Variants in SLC45A2 observed in about 807,000 individuals in gnomAD.
SLC45A2 encodes membrane-associated transporter protein.
Under a neutral mutation model 45.5 loss-of-function variants are expected in SLC45A2, and 36 were observed. The ratio of observed to expected loss-of-function variants is 0.79; its 90% CI spans 0.61 to 1.04. The LOEUF (loss-of-function observed/expected upper bound fraction) is 1.04, where lower values mean the gene tolerates loss of function less well. SLC45A2 is among the 50% of genes least tolerant of loss of function. SLC45A2 has a pLI of 0.00. For missense variants in SLC45A2, 719 were observed against 671.0 expected (o/e 1.07, Z -0.79); for synonymous variants, 306 against 269.3 (o/e 1.14, Z -1.33).
chr5:33,983,876 C>A (rs955591885), intron 1 of SLC45A2, among the ~76,000 whole-genome samples: 40 of 151,988 alleles, frequency 2.6e-4, no homozygotes, highest in African/African-American at 9.4e-4. Flanking sequence ...GCATAATGGG[C>A]TCAAAAAGTA....
intron 6 of SLC45A2, chr5:33,945,754 T>A (rs1055212361): frequency 5.9e-6 from 1 of 169,570 alleles, no homozygotes; most frequent in African/African-American, 2.4e-5. Context: ...ATGAGGAAAC[T>A]GAGGGCCTGC....
chr5:33,984,366 A>T lies in SLC45A2; in HGVS notation c.218T>A (p.Val73Glu), dbSNP rs760254579. The T allele has an allele frequency of 5.0e-6, 8 of 1,613,850 alleles. No individual in the cohort carries two copies. In the African/African-American group the frequency reaches 1.1e-4, roughly 22 times the overall value. The change falls in exon 1 of 7, where the codon GTG becomes GAG. Residue 73 changes from valine (V) to glutamate (E), a missense_variant. Transcript: ENST00000296589. ...TCCCAGGATGGGGCTGAGGAACCACACAATGCTGTACAGGCTGCTGGGCAG... is the reference window on the plus strand; with the variant it reads ...TCCCAGGATGGGGCTGAGGAACCACTCAATGCTGTACAGGCTGCTGGGCAG... ...VGLPSSLYSI[V>E]WFLSPILGFL...
intron 4 of SLC45A2, among the ~76,000 whole-genome samples, chr5:33,952,737 C>A (rs1303945563): frequency 7.4e-6 from 1 of 134,292 alleles, no homozygotes; most frequent in African/African-American, 2.9e-5. Context: ...TACATGTGCA[C>A]ATTGTGCAGG....
intron 2 of SLC45A2, among the ~76,000 whole-genome samples, chr5:33,980,699 G>GA (rs1753050764): frequency 6.6e-6 from 1 of 151,926 alleles, no homozygotes; most frequent in Non-Finnish European, 1.5e-5. Flanking sequence ...CAACCAGAAA[G>GA]AAAAAAGAGA....
At chr5:33,969,879 G>A (rs1394268504) in intron 2 of SLC45A2, among the ~76,000 whole-genome samples, 1 of 152,186 alleles carries the variant, frequency 6.6e-6, no homozygotes, top group African/African-American at 2.4e-5. Flanking sequence ...GGAAGAAAAG[G>A]CTGTGCAGGA....
chr5:33,980,171 C>T (rs1248116391), intron 2 of SLC45A2, among the ~76,000 whole-genome samples: 1 of 152,108 alleles, frequency 6.6e-6, no homozygotes, highest in Non-Finnish European at 1.5e-5. Context: ...ATGAGACTTT[C>T]CGGCTATGGA....
intron 3 of SLC45A2, among the ~76,000 whole-genome samples, chr5:33,956,792 T>C (rs926449097): frequency 6.6e-5 from 10 of 152,172 alleles, no homozygotes; most frequent in African/African-American, 1.7e-4. Context: ...AAAGGCTGCA[T>C]TGACATAGCT....
Position 33,948,060 on chromosome 5 carries a change from T to A in SLC45A2, c.1157-686A>T, listed in dbSNP as rs191487757. On this transcript the variant is annotated intron_variant, in intron 5 of 6. Transcript: ENST00000296589. ...TTCTCAAAACCCCAGCTTCCTCATC[T>A]GAAAACTGGGAATAATAAAACCATC... 1.2e-4 allele frequency among the ~76,000 whole-genome samples: 18 copies of A among 152,314 alleles called. No individual in the cohort carries two copies. The Middle Eastern group carries it at 0.01, about 86-fold the overall frequency.
Position 33,963,740 on chromosome 5 carries a change from T to C in SLC45A2, c.839A>G (p.Asn280Ser). 1.2e-6 allele frequency: 2 copies of C among 1,614,194 alleles called. No homozygotes were observed. The highest frequency in any genetic ancestry group is 1.7e-6 in the Non-Finnish European group (2 of 1,180,028). ...SIEKVKNGYVNPELAMQGAKN... is the reference protein window; with the variant it reads ...SIEKVKNGYVSPELAMQGAKN... ...TGCTCCCTGCATTGCCAGCTCTGGA[T>C]TTACGTAACCATTTTTAACTTTCTC... Residue 280 changes from asparagine to serine, a missense_variant, in exon 3 of 7, where the codon AAT becomes AGT. By Grantham distance (46) the Asn-to-Ser change is conservative (BLOSUM62 1). Coordinates refer to ENST00000296589, the MANE Select transcript of SLC45A2 (RefSeq NM_016180.5).
intron 2 of SLC45A2, among the ~76,000 whole-genome samples, chr5:33,977,568 G>T (rs1752965913): frequency 1.3e-5 from 2 of 152,186 alleles, no homozygotes; most frequent in South Asian, 4.1e-4. Context: ...ATCTCCACAG[G>T]CAGAAAAGGA....
intron 4 of SLC45A2, among the ~76,000 whole-genome samples, chr5:33,953,853 G>A (rs1226475470): frequency 9.5e-6 from 1 of 105,666 alleles, no homozygotes; most frequent in African/African-American, 3.7e-5. Flanking sequence ...CAAAATAAAA[G>A]GATGGAGGAA....
In SLC45A2 at chr5:33,982,288, G is replaced by A. The variant is rs1753100623; in HGVS notation, c.510C>T (p.Val170=). 1.9e-6 allele frequency: 3 copies of A among 1,613,998 alleles called. No homozygotes were observed. The highest frequency in any genetic ancestry group is 1.1e-5 in the South Asian group (1 of 91,086). The change falls in exon 2 of 7, where the codon GTC becomes GTT. Residue 170 remains valine (V), a synonymous_variant. Transcript: ENST00000296589. Reference sequence around the variant, plus strand: ...CCTTCTCCTTGTCCTGATGGGAGCAGACATCAAATAAGTAGGCTTTGATGG... The same window carrying A: ...CCTTCTCCTTGTCCTGATGGGAGCAAACATCAAATAAGTAGGCTTTGATGG... ...DGPIKAYLFD[V]CSHQDKEKGL...
Position 33,951,675 on chromosome 5 carries a change from A to C in SLC45A2, c.1035T>G (p.Ile345Met), listed in dbSNP as rs1310846892. The change falls in exon 5 of 7, where the codon ATT becomes ATG. Residue 345 changes from isoleucine to methionine, a missense_variant and splice_region_variant. Ile to Met is a conservative substitution (Grantham distance 10). Coordinates refer to ENST00000296589, the MANE Select transcript of SLC45A2 (RefSeq NM_016180.5). The part of the protein sequence containing the change: ...MLFFTDFMGQ[I>M]VYRGDPYSAH... ...CACTATAGGGATCCCCGCGGTACACAATCTGAAAGAGAGATTGGAGGCTGT... is the reference window on the plus strand; with the variant it reads ...CACTATAGGGATCCCCGCGGTACACCATCTGAAAGAGAGATTGGAGGCTGT... 1 of 1,614,198 alleles carries C rather than the reference A, an allele frequency of 6.2e-7. No homozygotes were observed.
At chr5:33,956,458 T>G (rs1324036952) in intron 3 of SLC45A2, among the ~76,000 whole-genome samples, 1 of 152,070 alleles carries the variant, frequency 6.6e-6, no homozygotes, top group East Asian at 1.9e-4. Context: ...GACAACAGTT[T>G]TTTTGGGGAT....
chr5:33,949,097 A>C (rs984214623), intron 5 of SLC45A2, among the ~76,000 whole-genome samples: 3 of 152,182 alleles, frequency 2.0e-5, no homozygotes, highest in African/African-American at 7.2e-5. Flanking sequence ...ATATCTTAGT[A>C]CTCAGTGTTG....
rs115213109 is a variant in SLC45A2, at chr5:33,965,845, G to A, written c.563-1829C>T. ...CCAACCCATTACGACAACCAAAAATGTCTCTAGATATTGCCAAATATCTCT... is the reference window on the plus strand; with the variant it reads ...CCAACCCATTACGACAACCAAAAATATCTCTAGATATTGCCAAATATCTCT... On this transcript the variant is annotated intron_variant, in intron 2 of 6. Coordinates refer to ENST00000296589, the MANE Select transcript of SLC45A2 (RefSeq NM_016180.5). Among the ~76,000 whole-genome samples the A allele has an allele frequency of 3.8e-3, 582 of 152,324 alleles. 6 individuals carry two copies. Among genetic ancestry groups the A allele is most frequent in the African/African-American group, 0.013 (544 of 41,564 alleles).
chr5:33,944,828 C>T lies in SLC45A2; in HGVS notation c.1413G>A (p.Gly471=), dbSNP rs1181679365. 6.2e-7 allele frequency: 1 copy of T among 1,614,072 alleles called. No homozygotes were observed. Among genetic ancestry groups the T allele is most frequent in the South Asian group, 1.1e-5 (1 of 91,024 alleles). ...PGGDPDNSVR[G]KGMDCATLTC... ...TGAGGGTGGCGCAGTCCATGCCCTT[C>T]CCTCTCACGCTGTTGTCTGGGTCCC... Residue 471 remains glycine (G), a synonymous_variant, in exon 7 of 7, where the codon GGG becomes GGA. Coordinates refer to ENST00000296589, the MANE Select transcript of SLC45A2 (RefSeq NM_016180.5).
At chr5:33,947,997 C>T (rs761424654) in intron 5 of SLC45A2, among the ~76,000 whole-genome samples, 7 of 152,234 alleles carry the variant, frequency 4.6e-5, no homozygotes, top group African/African-American at 7.2e-5. Context: ...ATCTCCTCAT[C>T]GCTGGCTCCC....
At chr5:33,960,116 G>C (rs1752405540) in intron 3 of SLC45A2, among the ~76,000 whole-genome samples, 1 of 152,128 alleles carries the variant, frequency 6.6e-6, no homozygotes, top group Non-Finnish European at 1.5e-5. Flanking sequence ...GAATAGGATT[G>C]CTGGATCAAA....
Sources: allele counts gnomAD v4.1 joint callset (sites outside exome capture counted in the v4.1 genomes callset), GRCh38; gene constraint gnomAD v4.1.1; transcripts MANE v1.5; gene names NCBI Gene and HGNC (gene_info 2026-07-23, HGNC 2026-07-21).